ZNF678: variants seen among roughly 807,000 people sequenced by gnomAD.
ZNF678 encodes hypothetical protein MGC42493.
In ZNF678, 5 loss-of-function variants were observed where a neutral mutation model predicts 3.0. That is an observed-to-expected ratio of 1.69 (90% CI 0.88 to 3.56). The LOEUF (loss-of-function observed/expected upper bound fraction) is 3.56. ZNF678 is among the 30% of genes most tolerant of loss of function. ZNF678 has a pLI of 0.00. For synonymous variants in ZNF678, 218 were observed against 199.6 expected, an observed-to-expected ratio of 1.09 and a Z score of -0.78; for missense variants, 593 against 605.0, an observed-to-expected ratio of 0.98 and a Z score of 0.21.
chr1:227,655,845 C>T lies in ZNF678; in HGVS notation c.*17C>T, dbSNP rs1436093410. ...AGTCTTTAAAAACTGCTTCATTATA[C>T]ATGGCTTCACTAATTTCATACTGAA... On this transcript the variant is annotated 3_prime_UTR_variant, in exon 4 of 4. Coordinates refer to ENST00000343776, the MANE Select transcript of ZNF678 (RefSeq NM_001367909.1). 1.3e-6 allele frequency: 2 copies of T among 1,540,022 alleles called. No homozygotes were observed. Among genetic ancestry groups the T allele is most frequent in the Non-Finnish European group, 1.7e-6 (2 of 1,149,258 alleles).
chr1:227,578,946 C>T (rs1047802739), intron 1 of ZNF678, among the ~76,000 whole-genome samples: 7 of 152,048 alleles, frequency 4.6e-5, no homozygotes, highest in Non-Finnish European at 1.0e-4. Flanking sequence ...ATTTGATTGC[C>T]TTGAGAATTT....
intron 1 of ZNF678, among the ~76,000 whole-genome samples, chr1:227,575,648 G>A (rs952028450): frequency 7.9e-5 from 12 of 152,262 alleles, no homozygotes; most frequent in Admixed American, 3.9e-4. Flanking sequence ...TTTGGGGCGA[G>A]ACCGTGAGAT....
At chr1:227,597,941 C>A (rs1463762011) in intron 1 of ZNF678, among the ~76,000 whole-genome samples, 1 of 152,052 alleles carries the variant, frequency 6.6e-6, no homozygotes, top group African/African-American at 2.4e-5. Flanking sequence ...GCTCCGCAAC[C>A]CTAAAAGCTC....
Position 227,612,403 on chromosome 1 carries a change from G to C in ZNF678, c.-163-34141G>C, listed in dbSNP as rs565890535. 3.6e-4 allele frequency among the ~76,000 whole-genome samples: 55 copies of C among 152,296 alleles called. No individual in the cohort carries two copies. The South Asian group carries it at 0.011, about 32-fold the overall frequency. ...CATCACTAATGGGTAATCAGTGGTG[G>C]TCACAAACTGGAAAAATCATGGTCA... is the stretch of plus-strand genomic sequence containing the variant. On this transcript the variant is annotated intron_variant, in intron 1 of 3. Coordinates refer to ENST00000343776, the MANE Select transcript of ZNF678 (RefSeq NM_001367909.1).
In ZNF678 at chr1:227,580,185, G is replaced by T. The variant is rs141357431; in HGVS notation, c.-164+16461G>T. Among the ~76,000 whole-genome samples, 45 of 152,168 alleles carry T rather than the reference G, an allele frequency of 3.0e-4. No homozygotes were observed. The East Asian group carries it at 8.3e-3, about 28-fold the overall frequency. Reference sequence around the variant, plus strand: ...TTGTTTCCAGCTTTCTGCTGCTTCAGACCAGCTTCTGTGTCTTCCCTCTGT... The same window carrying T: ...TTGTTTCCAGCTTTCTGCTGCTTCATACCAGCTTCTGTGTCTTCCCTCTGT... On this transcript the variant is annotated intron_variant, in intron 1 of 3. Coordinates refer to ENST00000343776, the MANE Select transcript of ZNF678 (RefSeq NM_001367909.1).
chr1:227,604,843 T>TC (rs1210163959), intron 1 of ZNF678, among the ~76,000 whole-genome samples: 1 of 152,220 alleles, frequency 6.6e-6, no homozygotes, highest in African/African-American at 2.4e-5. Context: ...ACCTTCTTTT[T>TC]CAGTTAGCAC....
intron 1 of ZNF678, among the ~76,000 whole-genome samples, chr1:227,565,054 CTTTTTTTTTTTTT>C (rs56226010): frequency 4.9e-4 from 16 of 32,732 alleles, no homozygotes; most frequent in African/African-American, 1.4e-3. Context: ...CCCTACCCGG[CTTTTTTTTTTTTT>C]TTTTTTTTTT....
At position 227,654,524 on chromosome 1, in the gene ZNF678, A is replaced by C. The variant is rs1333965786; in HGVS notation, c.274A>C (p.Thr92Pro). The C allele has an allele frequency of 1.2e-6, 2 of 1,613,280 alleles. No homozygotes were observed. The highest frequency in any genetic ancestry group is 2.7e-5 in the African/African-American group (2 of 74,898). Residue 92 changes from threonine (T) to proline (P), a missense_variant, in exon 4 of 4, where the codon ACT (threonine) becomes CCT (proline). Thr to Pro is a conservative substitution (Grantham distance 38, BLOSUM62 -1). Coordinates refer to ENST00000343776, the MANE Select transcript of ZNF678 (RefSeq NM_001367909.1). The stretch of plus-strand genomic sequence containing the variant: ...CAATAGACTTACTCAATGTTCATCA[A>C]CTAAAAGCAAAATCTTTCAATGTAT... The part of the protein sequence containing the change: ...YCNRLTQCSS[T>P]KSKIFQCIEC...
intron 5 of ZNF678, among the ~76,000 whole-genome samples, chr1:227,674,543 TA>T (rs1335457751): frequency 6.9e-6 from 1 of 144,744 alleles, no homozygotes. Context: ...TTATGTAAAT[TA>T]TTTAAGTTTA....
At chr1:227,599,184 C>T in intron 1 of ZNF678, 1 of 1,126,890 alleles carries the variant, frequency 8.9e-7, no homozygotes. Context: ...GTTCAAATAA[C>T]CTTTGTTAAA....
At chr1:227,622,280 C>T (rs1271605782) in intron 1 of ZNF678, among the ~76,000 whole-genome samples, 1 of 152,228 alleles carries the variant, frequency 6.6e-6, no homozygotes, top group Non-Finnish European at 1.5e-5. Flanking sequence ...TAAATTCTTT[C>T]CAACAATTGC....
chr1:227,634,394 A>C (rs1658623616), intron 1 of ZNF678, among the ~76,000 whole-genome samples: 1 of 152,192 alleles, frequency 6.6e-6, no homozygotes, highest in African/African-American at 2.4e-5. Context: ...GCTTGGCCAC[A>C]GGGAGGTATA....
At chr1:227,610,113 A>T (rs961348213) in intron 1 of ZNF678, among the ~76,000 whole-genome samples, 1 of 152,170 alleles carries the variant, frequency 6.6e-6, no homozygotes, top group Non-Finnish European at 1.5e-5. Flanking sequence ...TCTAATAAGT[A>T]TGAGTTTATA....
chr1:227,602,970 G>T (rs987546115), intron 1 of ZNF678, among the ~76,000 whole-genome samples: 12 of 152,162 alleles, frequency 7.9e-5, no homozygotes, highest in Non-Finnish European at 4.4e-5. Context: ...AGTAGCCACT[G>T]TGCCCCAGCC....
At chr1:227,668,993 C>T (rs1659554796) in intron 5 of ZNF678, among the ~76,000 whole-genome samples, 2 of 151,970 alleles carry the variant, frequency 1.3e-5, no homozygotes, top group African/African-American at 4.8e-5. Context: ...TCCTCAACAT[C>T]GACTTTGGCA....
intron 1 of ZNF678, among the ~76,000 whole-genome samples, chr1:227,599,536 A>G (rs999707071): frequency 3.9e-5 from 6 of 152,202 alleles, no homozygotes; most frequent in African/African-American, 1.4e-4. Context: ...ATAATATTTT[A>G]AGACTGATTA....
chr1:227,663,724 A>G (rs1659454893), downstream of ZNF678, among the ~76,000 whole-genome samples: 1 of 152,164 alleles, frequency 6.6e-6, no homozygotes, highest in African/African-American at 2.4e-5. Context: ...TTTGCGCCTA[A>G]CCATTTGCCA....
chr1:227,646,602 TG>T lies in ZNF678; in HGVS notation c.-103del. On this transcript the variant is annotated 5_prime_UTR_variant, in exon 2 of 4. It introduces an in-frame stop codon into an upstream open reading frame of the 5' UTR. Transcript: ENST00000343776. ...TTCTCTCCAGAGGAGTGGGCATGCCTGGACCCTGCCCAGCGAAATTTGTATA... is the reference window on the plus strand; with the variant it reads ...TTCTCTCCAGAGGAGTGGGCATGCCTGACCCTGCCCAGCGAAATTTGTATA... The T allele has an allele frequency of 6.6e-6, 9 of 1,372,376 alleles. No homozygotes were observed. Among genetic ancestry groups the T allele is most frequent in the Non-Finnish European group, 8.8e-6 (9 of 1,024,660 alleles). The allele number at this position is 1,372,376 out of a possible 1,614,324, so 85.0% of individuals were successfully genotyped here. A position where few individuals can be genotyped will look rare whatever the true frequency, so the allele number is the denominator to read the frequency against.
intron 1 of ZNF678, among the ~76,000 whole-genome samples, chr1:227,617,812 A>C (rs889332019): frequency 1.3e-5 from 2 of 152,180 alleles, no homozygotes; most frequent in Non-Finnish European, 2.9e-5. Context: ...CCCATCTTCT[A>C]TGTCAGTGTG....
Sources: allele counts gnomAD v4.1 joint callset (sites outside exome capture counted in the v4.1 genomes callset), GRCh38; gene constraint gnomAD v4.1.1; transcripts MANE v1.5; gene names NCBI Gene and HGNC (gene_info 2026-07-23, HGNC 2026-07-21).